The following WDR5 variants were observed in gnomAD, a reference collection of about 807,000 sequenced individuals.
WDR5 encodes the protein WD repeat domain 5.
For missense variants in WDR5, 187 were observed against 416.9 expected (o/e 0.45, Z 4.80); for synonymous variants, 144 against 161.6 (o/e 0.89, Z 0.83).
At position 134,145,096 on chromosome 9, in the gene WDR5, G is replaced by GTTTTTTTT. The variant is rs56864188; in HGVS notation, c.528+2390_528+2397dup. Among the ~76,000 whole-genome samples, 578 of 104,668 alleles carry GTTTTTTTT rather than the reference G, an allele frequency of 5.5e-3. 48 individuals are homozygous for GTTTTTTTT. The highest frequency in any genetic ancestry group is 0.014 in the African/African-American group (404 of 29,120). 68.7% of individuals were successfully genotyped at this position (104,668 alleles called of 152,430 possible). A position where few individuals can be genotyped will look rare whatever the true frequency, so the allele number is the denominator to read the frequency against. ...ACTGCAGAGAGGTTTGTGGGGCTTT[G>GTTTTTTTT]TTTTTTTTTTTTTTTTTTTTGAAAC... is the stretch of plus-strand genomic sequence containing the variant. On this transcript the variant is annotated intron_variant, in intron 7 of 13. Coordinates refer to ENST00000358625, the MANE Select transcript of WDR5 (RefSeq NM_017588.3).
chr9:134,155,070 C>T (rs963178256), intron 10 of WDR5, among the ~76,000 whole-genome samples: 4 of 152,174 alleles, frequency 2.6e-5, no homozygotes, highest in East Asian at 1.9e-4. Flanking sequence ...GAGGATGACC[C>T]GAGTCAGGGA....
intron 1 of WDR5, 111 bp downstream of exon 1, chr9:134,136,311 C>T (rs1361224065): frequency 6.7e-6 from 1 of 149,798 alleles, no homozygotes; most frequent in Non-Finnish European, 1.5e-5. Context: ...GGCCTCGGGC[C>T]AGGCCCAGCC....
At chr9:134,143,810 C>T (rs1832025034) in intron 7 of WDR5, among the ~76,000 whole-genome samples, 2 of 149,858 alleles carry the variant, frequency 1.3e-5, no homozygotes, top group South Asian at 4.2e-4. Context: ...TCACTGCGCC[C>T]GGCCAAAACT....
rs1178295096 is a variant in WDR5, at chr9:134,159,646, G to C, written c.*1653G>C. On this transcript the variant is annotated 3_prime_UTR_variant, in exon 14 of 14. Coordinates refer to ENST00000358625, the MANE Select transcript of WDR5 (RefSeq NM_017588.3). This position sits in a 1 kb window ranked among gnomAD's most constrained non-coding sequence, Gnocchi z 4.3. ...GATGAGGTGTACGGATGAGTGACCT[G>C]CACTAAGAAGTGAGTTGCCACAGTG... 2 of 152,244 alleles carry C rather than the reference G, an allele frequency of 1.3e-5. No individual in the cohort carries two copies. The highest frequency in any genetic ancestry group is 2.4e-5 in the African/African-American group (1 of 41,432). The allele number at this position is 152,244 out of a possible 1,614,324, so 9.4% of individuals were successfully genotyped here.
chr9:134,152,088 A>G, intron 9 of WDR5, 59 bp downstream of exon 9: 1 of 1,581,078 alleles, frequency 6.3e-7, no homozygotes, highest in Non-Finnish European at 8.6e-7. Context: ...TGCTGGGTTC[A>G]CTGCCCCTGT....
At chr9:134,136,079 T>TGCGCCCCCGCCGCCTG (rs1831527644), upstream of WDR5, 1 of 85,176 alleles carries the variant, frequency 1.2e-5, no homozygotes, top group South Asian at 4.5e-4. Flanking sequence ...GCACGCGCAC[T>TGCGCCCCCGCCGCCTG]GCGCCCCCGC....
chr9:134,151,891 G>A, intron 8 of WDR5, 92 bp from the exon 9 acceptor site: 4 of 1,269,168 alleles, frequency 3.2e-6, no homozygotes, highest in South Asian at 2.7e-5. Flanking sequence ...AGGGAAAAGC[G>A]TGCTAGTCCT....
At chr9:134,155,406 C>T (rs1372018464) in intron 11 of WDR5, 33 bp downstream of exon 11, 1 of 1,585,456 alleles carries the variant, frequency 6.3e-7, no homozygotes, top group South Asian at 1.2e-5. Flanking sequence ...CCCCATGGTG[C>T]ACCATCCCTG....
chr9:134,145,096 G>GTTTTTT (rs56864188), intron 7 of WDR5, among the ~76,000 whole-genome samples: 25,229 of 104,060 alleles, frequency 0.24, 4,787 homozygotes, highest in Non-Finnish European at 0.32. Flanking sequence ...GTGGGGCTTT[G>GTTTTTT]TTTTTTTTTT....
chr9:134,142,240 A>G (rs756540846), intron 5 of WDR5, 93 bp from the exon 6 acceptor site: 141 of 1,395,130 alleles, frequency 1.0e-4, no homozygotes, highest in Admixed American at 1.4e-4. Context: ...GGCATCAGGC[A>G]TGCTTTGGGA....
chr9:134,151,962 TTTG>T lies in WDR5; in HGVS notation c.585-18_585-16del. ...ATCATAACTTGTCTGCTTACGCTTT[TTTG>T]TTCTCTTTGCTTCGAAGTCGCATCT... On this transcript the variant is annotated intron_variant, in intron 8 of 13. Transcript: ENST00000358625. 1.9e-6 allele frequency: 3 copies of T among 1,612,840 alleles called. 1 individual carries two copies. The Middle Eastern group carries it at 5.0e-4, about 267-fold the overall frequency.
rs144026510 is a variant in WDR5, at chr9:134,139,310, G to A, written c.-58-510G>A. Among the ~76,000 whole-genome samples, 763 of 152,330 alleles carry A rather than the reference G, an allele frequency of 5.0e-3. 3 individuals carry two copies. Among genetic ancestry groups the A allele is most frequent in the Non-Finnish European group, 8.9e-3 (606 of 68,032 alleles). On this transcript the variant is annotated intron_variant, in intron 1 of 13. Transcript: ENST00000358625. ...AGGCACTGGAGCCCCCCCATGAGGC[G>A]TAGACCACTGGGTGCCCGTGCTTGT...
intron 7 of WDR5, among the ~76,000 whole-genome samples, chr9:134,143,405 G>A (rs1053020648): frequency 6.6e-6 from 1 of 152,178 alleles, no homozygotes; most frequent in Non-Finnish European, 1.5e-5. Context: ...GCTGGACGTG[G>A]TGGCGCGTGC....
Position 134,146,878 on chromosome 9 carries a change from G to A in WDR5, c.529-1410G>A, listed in dbSNP as rs115516051. Among the ~76,000 whole-genome samples the A allele has an allele frequency of 2.8e-3, 425 of 152,358 alleles. 1 individual carries two copies. Among genetic ancestry groups the A allele is most frequent in the African/African-American group, 9.5e-3 (393 of 41,580 alleles). On this transcript the variant is annotated intron_variant, in intron 7 of 13. Coordinates refer to ENST00000358625, the MANE Select transcript of WDR5 (RefSeq NM_017588.3). ...AGAGGCTGCCGGCCAGATGGTTGCA[G>A]TGAAGCAGCTGGCACGGTGAGAGCA... is the stretch of plus-strand genomic sequence containing the variant.
chr9:134,145,189 C>T (rs557004562), intron 7 of WDR5, among the ~76,000 whole-genome samples: 26 of 149,538 alleles, frequency 1.7e-4, no homozygotes, highest in Middle Eastern at 6.9e-3. Context: ...AGCTCTGCCT[C>T]CTGGGTTCAA....
At position 134,159,302 on chromosome 9, in the gene WDR5, G is replaced by C. The variant is rs1273153978; in HGVS notation, c.*1309G>C. The C allele has an allele frequency of 1.3e-5, 2 of 152,660 alleles. No homozygotes were observed. Among genetic ancestry groups the C allele is most frequent in the East Asian group, 3.8e-4 (2 of 5,200 alleles). 9.5% of individuals were successfully genotyped at this position (152,660 alleles called of 1,614,324 possible). A position where few individuals can be genotyped will look rare whatever the true frequency, so the allele number is the denominator to read the frequency against. Reference sequence around the variant, plus strand: ...GCACAGGTGCCTGGGTCTGTCCCACGGGGCAGGGCTTTGGGGCTGTGATGC... The same window carrying C: ...GCACAGGTGCCTGGGTCTGTCCCACCGGGCAGGGCTTTGGGGCTGTGATGC... On this transcript the variant is annotated 3_prime_UTR_variant, in exon 14 of 14. Coordinates refer to ENST00000358625, the MANE Select transcript of WDR5 (RefSeq NM_017588.3). The surrounding 1 kb of genome is among the most constrained non-coding windows in gnomAD (Gnocchi z 4.3).
chr9:134,152,649 T>TG (rs1832553370), intron 9 of WDR5, among the ~76,000 whole-genome samples: 2 of 152,246 alleles, frequency 1.3e-5, no homozygotes, highest in South Asian at 4.1e-4. Context: ...ATGTGTGGGA[T>TG]GGGGCGCACC....
intron 9 of WDR5, among the ~76,000 whole-genome samples, chr9:134,153,319 G>A (rs1180843222): frequency 1.3e-5 from 2 of 152,196 alleles, no homozygotes; most frequent in East Asian, 1.9e-4. Flanking sequence ...GCGCCCCTGA[G>A]CCCAGGGTGG....
chr9:134,141,466 A>T (rs58124205), intron 3 of WDR5, 44 bp from the exon 4 acceptor site: 1 of 1,600,110 alleles, frequency 6.2e-7, no homozygotes, highest in South Asian at 1.1e-5. Flanking sequence ...TGACTAGACA[A>T]TTGTGTCCTG....
Sources: allele counts gnomAD v4.1 joint callset (sites outside exome capture counted in the v4.1 genomes callset), GRCh38; gene constraint gnomAD v4.1.1; non-coding constraint Gnocchi (gnomAD v3.1); transcripts MANE v1.5; gene names NCBI Gene and HGNC (gene_info 2026-07-23, HGNC 2026-07-21).